The following IGSF21 variants were observed in gnomAD, a reference collection of about 807,000 sequenced individuals.
IGSF21 encodes immunoglobulin superfamily member 21.
Under a neutral mutation model 46.8 loss-of-function variants are expected in IGSF21, and 28 were observed. That is an observed-to-expected ratio of 0.60 (90% CI 0.44 to 0.82). The LOEUF (loss-of-function observed/expected upper bound fraction) is 0.82. Among genes scored for constraint, IGSF21 ranks in the 40% least tolerant of loss-of-function variants. IGSF21 has a pLI of 0.00. For missense variants in IGSF21, 624 were observed against 665.5 expected, an observed-to-expected ratio of 0.94 and a Z score of 0.69; for synonymous variants, 284 against 273.6, an observed-to-expected ratio of 1.04 and a Z score of -0.38.
At chr1:18,219,529 G>T (rs1052659960) in intron 1 of IGSF21, among the ~76,000 whole-genome samples, 4 of 150,316 alleles carry the variant, frequency 2.7e-5, no homozygotes, top group African/African-American at 1.0e-4. Context: ...TGGTGGCCAG[G>T]TGCAGAGAGA....
intron 5 of IGSF21, among the ~76,000 whole-genome samples, chr1:18,362,566 C>G (rs1406331707): frequency 1.3e-5 from 2 of 152,172 alleles, no homozygotes; most frequent in African/African-American, 4.8e-5. Flanking sequence ...TGAAAGGGGG[C>G]CCCGAGAGGA....
chr1:18,285,878 A>G (rs905725028), intron 2 of IGSF21, among the ~76,000 whole-genome samples: 1 of 152,194 alleles, frequency 6.6e-6, no homozygotes, highest in Non-Finnish European at 1.5e-5. Flanking sequence ...GCGCCAATGT[A>G]TGCCAGCTAT....
intron 2 of IGSF21, among the ~76,000 whole-genome samples, chr1:18,274,983 C>A (rs939449061): frequency 6.6e-6 from 1 of 152,012 alleles, no homozygotes; most frequent in Admixed American, 6.6e-5. Context: ...GCCGAAATCG[C>A]GCCACTGCAC....
chr1:18,309,966 C>T (rs547785280), intron 3 of IGSF21, among the ~76,000 whole-genome samples: 5 of 152,274 alleles, frequency 3.3e-5, no homozygotes, highest in Non-Finnish European at 5.9e-5. Context: ...GCATGGAGGC[C>T]CTGCCAGCTG....
chr1:18,229,720 A>G (rs1435337633), intron 2 of IGSF21, among the ~76,000 whole-genome samples: 1 of 152,216 alleles, frequency 6.6e-6, no homozygotes, highest in Non-Finnish European at 1.5e-5. Context: ...GAGAAAGTCA[A>G]GGCATATGTT....
At chr1:18,303,346 C>A (rs2085379432) in intron 3 of IGSF21, among the ~76,000 whole-genome samples, 1 of 152,288 alleles carries the variant, frequency 6.6e-6, no homozygotes, top group East Asian at 1.9e-4. Context: ...AAGCGACTTG[C>A]ACAAGAGCTG....
chr1:18,161,145 G>A (rs1015151128), intron 1 of IGSF21, among the ~76,000 whole-genome samples: 14 of 152,198 alleles, frequency 9.2e-5, no homozygotes, highest in South Asian at 2.1e-4. Context: ...AGAAAACCCC[G>A]TGACTCGGCC....
intron 2 of IGSF21, among the ~76,000 whole-genome samples, chr1:18,232,227 A>T (rs2084635462): frequency 6.6e-4 from 3 of 4,548 alleles, no homozygotes; most frequent in East Asian, 0.01. Context: ...TGGCTAATAG[A>T]GTAGGGGTGC....
At chr1:18,255,831 T>A in intron 2 of IGSF21, among the ~76,000 whole-genome samples, 1 of 152,132 alleles carries the variant, frequency 6.6e-6, no homozygotes. Context: ...TAGTCCACCA[T>A]CATCTTAGTC....
At chr1:18,364,539 A>G (rs1242083128) in intron 5 of IGSF21, among the ~76,000 whole-genome samples, 2 of 151,784 alleles carry the variant, frequency 1.3e-5, no homozygotes, top group African/African-American at 4.8e-5. Flanking sequence ...AATACATCCA[A>G]TCCCCTCAGG....
chr1:18,333,633 G>A (rs1462639352), intron 3 of IGSF21, among the ~76,000 whole-genome samples: 1 of 152,212 alleles, frequency 6.6e-6, no homozygotes, highest in Non-Finnish European at 1.5e-5. Flanking sequence ...AGTAGGAGCA[G>A]AATTGGAACC....
At chr1:18,364,040 G>A (rs1424911064) in intron 5 of IGSF21, among the ~76,000 whole-genome samples, 2 of 152,000 alleles carry the variant, frequency 1.3e-5, no homozygotes, top group East Asian at 1.9e-4. Flanking sequence ...TTCCTGAAAG[G>A]CACAAAGAAA....
At chr1:18,218,984 A>C (rs1202130026) in intron 1 of IGSF21, among the ~76,000 whole-genome samples, 1 of 152,256 alleles carries the variant, frequency 6.6e-6, no homozygotes, top group Admixed American at 6.5e-5. Flanking sequence ...GAGATGACAG[A>C]GGAAAGAATC....
chr1:18,362,279 T>A, intron 5 of IGSF21, 49 bp downstream of exon 5: 1 of 1,352,784 alleles, frequency 7.4e-7, no homozygotes, highest in Non-Finnish European at 1.0e-6. Context: ...CGGACCACCC[T>A]GCTTCGGGGC....
chr1:18,291,183 C>G (rs2085262729), intron 2 of IGSF21, among the ~76,000 whole-genome samples: 1 of 152,324 alleles, frequency 6.6e-6, no homozygotes. Context: ...CGGGACAGCC[C>G]GGCAGCCTTG....
chr1:18,352,221 T>C (rs1167268575), intron 4 of IGSF21, among the ~76,000 whole-genome samples: 1 of 152,232 alleles, frequency 6.6e-6, no homozygotes, highest in East Asian at 1.9e-4. Context: ...AGTAATCATC[T>C]TCACTCCTGT....
intron 3 of IGSF21, among the ~76,000 whole-genome samples, chr1:18,313,120 G>C (rs544095390): frequency 6.6e-6 from 1 of 152,264 alleles, no homozygotes; most frequent in South Asian, 2.1e-4. Context: ...GCCGGGTACC[G>C]TGCATGACCG....
rs898196032 is a variant in IGSF21 at position 18,272,341 on chromosome 1, G to A, written c.184-19525G>A. Among the ~76,000 whole-genome samples, 72 of 152,234 alleles carry A rather than the reference G, an allele frequency of 4.7e-4. 1 individual carries two copies. The highest frequency in any genetic ancestry group is 1.1e-3 in the African/African-American group (44 of 41,532). On this transcript the variant is annotated intron_variant, in intron 2 of 9. Transcript: ENST00000251296. ...GGGGGTGGGGTGGGGGGGACACAGC[G>A]AAGCCATATCACCCTCTCTGCCACT...
intron 1 of IGSF21, among the ~76,000 whole-genome samples, chr1:18,175,289 G>A (rs966437899): frequency 1.3e-5 from 2 of 152,192 alleles, no homozygotes; most frequent in South Asian, 4.1e-4. Flanking sequence ...TGGATTGTGT[G>A]ATGTAAACAG....
Sources: gnomAD v4.1 joint callset for allele counts (sites outside exome capture counted in the v4.1 genomes callset) on GRCh38, gnomAD v4.1.1 for gene constraint, MANE v1.5 for transcripts, NCBI Gene and HGNC (gene_info 2026-07-23, HGNC 2026-07-21) for gene names.